The following AP4S1 variants were observed in gnomAD, a reference collection of about 807,000 sequenced individuals.
The protein encoded by AP4S1 is AP-4 complex subunit sigma-1.
In AP4S1, 23 loss-of-function variants were observed where a neutral mutation model predicts 19.8. The observed-to-expected ratio is 1.16, with a 90% CI of 0.84 to 1.65. AP4S1 has a LOEUF of 1.65. AP4S1 is among the 40% of genes most tolerant of loss of function. AP4S1 has a pLI of 0.00. For synonymous variants in AP4S1, 46 were observed against 54.1 expected (o/e 0.85, Z 0.66); for missense variants, 166 against 172.8 (o/e 0.96, Z 0.22).
intron 1 of AP4S1, among the ~76,000 whole-genome samples, chr14:31,033,255 C>A (rs919368510): frequency 5.3e-5 from 8 of 152,034 alleles, no homozygotes; most frequent in Non-Finnish European, 8.8e-5. Flanking sequence ...GCTCTGTCAC[C>A]CAGGCTGGAG....
intron 4 of AP4S1, among the ~76,000 whole-genome samples, chr14:31,079,419 A>T (rs1887521132): frequency 1.3e-5 from 2 of 152,016 alleles, no homozygotes; most frequent in South Asian, 4.2e-4. Context: ...TCATGGGAGG[A>T]GGCTGCACAT....
chr14:31,077,804 C>T (rs1035713871), intron 4 of AP4S1, among the ~76,000 whole-genome samples: 7 of 147,352 alleles, frequency 4.8e-5, no homozygotes, highest in South Asian at 2.1e-4. Flanking sequence ...GGCGCGATCT[C>T]GGCTCACTGC....
At chr14:31,040,127 T>C (rs1401512349) in intron 1 of AP4S1, among the ~76,000 whole-genome samples, 1 of 150,220 alleles carries the variant, frequency 6.7e-6, no homozygotes, top group East Asian at 2.0e-4. Context: ...ATAGTTTGTG[T>C]AAAGTCAAAT....
intron 1 of AP4S1, among the ~76,000 whole-genome samples, chr14:31,032,149 A>T (rs1884434298): frequency 6.6e-6 from 1 of 152,076 alleles, no homozygotes; most frequent in African/African-American, 2.4e-5. Flanking sequence ...TGGGAGGCCA[A>T]AGCGGGCAGA....
intron 4 of AP4S1, among the ~76,000 whole-genome samples, chr14:31,077,685 A>C (rs1051765358): frequency 1.4e-5 from 2 of 147,016 alleles, no homozygotes; most frequent in African/African-American, 5.0e-5. Context: ...TTTGGTAATC[A>C]TTGCCTTAGT....
intron 5 of AP4S1, chr14:31,083,677 TA>T (rs1381784919): frequency 5.1e-6 from 2 of 393,106 alleles, no homozygotes; most frequent in East Asian, 7.3e-5. Context: ...GCTAATTTTT[TA>T]AATTTATTTT....
intron 1 of AP4S1, among the ~76,000 whole-genome samples, chr14:31,034,024 G>A (rs887650844): frequency 6.6e-6 from 1 of 152,190 alleles, no homozygotes; most frequent in Non-Finnish European, 1.5e-5. Flanking sequence ...AACCAGGTCT[G>A]TAAACATAAG....
At chr14:31,064,213 C>T (rs1217774152) in intron 1 of AP4S1, among the ~76,000 whole-genome samples, 1 of 152,162 alleles carries the variant, frequency 6.6e-6, no homozygotes, top group Non-Finnish European at 1.5e-5. Context: ...CGCAGCCCAC[C>T]TCTGACACAA....
At chr14:31,061,268 C>T (rs904317992) in intron 1 of AP4S1, among the ~76,000 whole-genome samples, 3 of 152,194 alleles carry the variant, frequency 2.0e-5, no homozygotes, top group South Asian at 2.1e-4. Context: ...ATCTGCCCAC[C>T]TCAGCCTCCC....
rs1322761097 is a variant in AP4S1 at position 31,095,137 on chromosome 14, T to A, written c.*2102T>A. 6.6e-6 allele frequency: 1 copy of A among 152,236 alleles called. No homozygotes were observed. Among genetic ancestry groups the A allele is most frequent in the African/African-American group, 2.4e-5 (1 of 41,438 alleles). 9.4% of individuals were successfully genotyped at this position (152,236 alleles called of 1,614,324 possible). ...CAAGCCTAGGAGTTTGAGGCTGCAG[T>A]GAACTATGATCACAACACTGTACTC... is the stretch of plus-strand genomic sequence containing the variant. On this transcript the variant is annotated 3_prime_UTR_variant, in exon 6 of 6. Transcript: ENST00000542754.
intron 1 of AP4S1, among the ~76,000 whole-genome samples, chr14:31,048,224 G>A (rs1594649991): frequency 6.6e-6 from 1 of 151,292 alleles, no homozygotes; most frequent in East Asian, 2.0e-4. Context: ...CTCCCAAGTA[G>A]CTGGGATTAC....
At chr14:31,036,514 C>G (rs1046887601) in intron 1 of AP4S1, among the ~76,000 whole-genome samples, 1 of 152,216 alleles carries the variant, frequency 6.6e-6, no homozygotes, top group African/African-American at 2.4e-5. Flanking sequence ...AGTAATGTTA[C>G]TAAATTTGAT....
At chr14:31,064,821 G>A (rs537310607) in intron 1 of AP4S1, among the ~76,000 whole-genome samples, 1 of 152,270 alleles carries the variant, frequency 6.6e-6, no homozygotes, top group African/African-American at 2.4e-5. Context: ...TGGACGTGAT[G>A]GTGCATGCCT....
upstream of AP4S1, chr14:31,025,607 G>A (rs1883798280): frequency 2.1e-6 from 1 of 476,248 alleles, no homozygotes; most frequent in Non-Finnish European, 3.8e-6. Flanking sequence ...AGCCCCGGAG[G>A]CCCGGGAAGG....
Position 31,095,607 on chromosome 14 carries a change from T to G in AP4S1, c.*2572T>G, listed in dbSNP as rs1039236074. 3.9e-5 allele frequency: 6 copies of G among 152,144 alleles called. No homozygotes were observed. The highest frequency in any genetic ancestry group is 2.0e-4 in the Admixed American group (3 of 15,258). The allele number at this position is 152,144 out of a possible 1,614,324, so 9.4% of individuals were successfully genotyped here. ...TAATTTTTGTATTTTGTTGTAGAGA[T>G]AGGGTTTCACTATGTTGCCCAGACT... On this transcript the variant is annotated 3_prime_UTR_variant, in exon 6 of 6. Coordinates refer to ENST00000542754, the MANE Select transcript of AP4S1 (RefSeq NM_001128126.3).
chr14:31,039,247 G>A (rs770168635), intron 1 of AP4S1, among the ~76,000 whole-genome samples: 4 of 151,738 alleles, frequency 2.6e-5, no homozygotes, highest in Admixed American at 6.6e-5. Context: ...GTGCAGTAGC[G>A]TGCTCTCGGC....
chr14:31,091,238 T>C (rs1888068292), intron 5 of AP4S1, among the ~76,000 whole-genome samples: 1 of 152,188 alleles, frequency 6.6e-6, no homozygotes, highest in Non-Finnish European at 1.5e-5. Flanking sequence ...GAAAGTTATC[T>C]TGGAGAAGGC....
chr14:31,066,704 C>A (rs966514628), intron 2 of AP4S1, among the ~76,000 whole-genome samples: 3 of 151,876 alleles, frequency 2.0e-5, no homozygotes, highest in Admixed American at 6.6e-5. Flanking sequence ...TTCTATAAGC[C>A]AAAAAATGAA....
At chr14:31,026,370 T>C in intron 1 of AP4S1, 1 of 217,062 alleles carries the variant, frequency 4.6e-6, no homozygotes, top group Non-Finnish European at 7.5e-6. Flanking sequence ...TTACAATCCC[T>C]CCTCCATCTG....
Sources: allele counts gnomAD v4.1 joint callset (sites outside exome capture counted in the v4.1 genomes callset), GRCh38; gene constraint gnomAD v4.1.1; transcripts MANE v1.5; gene names NCBI Gene and HGNC (gene_info 2026-07-23, HGNC 2026-07-21).